LINGO2: variants seen among roughly 807,000 people sequenced by gnomAD.
The protein encoded by LINGO2 is leucine-rich repeat and immunoglobulin-like domain-containing nogo receptor-interacting protein 2.
A neutral mutation model predicts 30.6 loss-of-function variants in LINGO2; 14 were observed. The observed-to-expected ratio is 0.46, with a 90% CI of 0.30 to 0.72. The LOEUF (loss-of-function observed/expected upper bound fraction) is 0.72. Ranked by LOEUF, LINGO2 falls within the 30% of genes least tolerant of loss-of-function variation. The probability of loss-of-function intolerance (pLI) is 0.07; values close to 1 mark genes in which losing one functional copy is unlikely to be tolerated. For synonymous variants in LINGO2, 317 were observed against 288.5 expected, an observed-to-expected ratio of 1.10 and a Z score of -1.00; for missense variants, 729 against 751.7, an observed-to-expected ratio of 0.97 and a Z score of 0.35.
chr9:28,922,422 A>G, the LINGO2 span, among the ~76,000 whole-genome samples: 3 of 152,134 alleles, frequency 2.0e-5, no homozygotes, highest in Non-Finnish European at 4.4e-5. Flanking sequence ...CTTTTAGATG[A>G]TAAGTTTCAA....
At chr9:29,078,085 G>A in the LINGO2 span, among the ~76,000 whole-genome samples, 9 of 151,938 alleles carry the variant, frequency 5.9e-5, no homozygotes, top group Non-Finnish European at 1.3e-4. Flanking sequence ...ATACTTAACT[G>A]ATGATTATTA....
At chr9:29,032,047 T>A in the LINGO2 span, among the ~76,000 whole-genome samples, 43 of 152,158 alleles carry the variant, frequency 2.8e-4, no homozygotes, top group Admixed American at 1.3e-3. Flanking sequence ...GGCAATCCCA[T>A]GTTTAGTCTT....
chr9:28,562,457 C>CAA (rs56998877), intron 1 of LINGO2, among the ~76,000 whole-genome samples: 36,657 of 108,894 alleles, frequency 0.34, 6,852 homozygotes, highest in South Asian at 0.39. Context: ...CATTTACTTT[C>CAA]AAAAAAAAAA....
chr9:28,557,785 G>A (rs909442420), intron 1 of LINGO2, among the ~76,000 whole-genome samples: 5 of 151,656 alleles, frequency 3.3e-5, no homozygotes, highest in African/African-American at 1.2e-4. Flanking sequence ...AGAAAATGTG[G>A]CACATATACA....
chr9:28,790,394 TC>T, the LINGO2 span, among the ~76,000 whole-genome samples: 2 of 147,210 alleles, frequency 1.4e-5, no homozygotes, highest in Non-Finnish European at 3.0e-5. Context: ...AGTCGTGCGA[TC>T]TCGGCTCACT....
chr9:29,017,181 T>TG, the LINGO2 span, among the ~76,000 whole-genome samples: 136,455 of 152,018 alleles, frequency 0.9, 61,491 homozygotes, highest in Non-Finnish European at 0.93. Flanking sequence ...ACTATGTAAT[T>TG]AAGGAAGACT....
the LINGO2 span, among the ~76,000 whole-genome samples, chr9:29,154,630 A>G: frequency 6.6e-6 from 1 of 152,144 alleles, no homozygotes; most frequent in African/African-American, 2.4e-5. Flanking sequence ...CAAGAGCCCA[A>G]TTTACTATAT....
At chr9:28,722,429 G>A in the LINGO2 span, among the ~76,000 whole-genome samples, 4 of 152,132 alleles carry the variant, frequency 2.6e-5, no homozygotes, top group Non-Finnish European at 4.4e-5. Flanking sequence ...CCTAACAAAC[G>A]TCAAAGTTGT....
chr9:28,297,105 T>A (rs535481702), intron 3 of LINGO2, among the ~76,000 whole-genome samples: 24 of 152,190 alleles, frequency 1.6e-4, no homozygotes, highest in Admixed American at 3.9e-4. Context: ...CCAAACTGGG[T>A]TTGAAGTGAG....
the LINGO2 span, among the ~76,000 whole-genome samples, chr9:29,040,423 G>T: frequency 6.6e-6 from 1 of 151,788 alleles, no homozygotes; most frequent in Non-Finnish European, 1.5e-5. Flanking sequence ...CTTTAAAACT[G>T]AGTACAATCC....
intron 4 of LINGO2, among the ~76,000 whole-genome samples, chr9:28,156,512 C>T (rs1427768711): frequency 1.3e-5 from 2 of 152,148 alleles, no homozygotes; most frequent in African/African-American, 4.8e-5. Flanking sequence ...AGAGGTTTAA[C>T]GTTTACTGGG....
At chr9:28,215,090 A>G (rs1820718448) in intron 4 of LINGO2, among the ~76,000 whole-genome samples, 2 of 151,704 alleles carry the variant, frequency 1.3e-5, no homozygotes, top group South Asian at 4.1e-4. Context: ...AGGCAGGGAT[A>G]TCCTGAGAAT....
At chr9:28,598,382 T>C (rs1222405612) in intron 1 of LINGO2, among the ~76,000 whole-genome samples, 1 of 145,446 alleles carries the variant, frequency 6.9e-6, no homozygotes, top group East Asian at 2.0e-4. Context: ...TAAAGGAGTG[T>C]ATTCACTTTG....
At chr9:29,077,841 T>C in the LINGO2 span, among the ~76,000 whole-genome samples, 1 of 151,832 alleles carries the variant, frequency 6.6e-6, no homozygotes, top group African/African-American at 2.4e-5. Flanking sequence ...AGTTCTAACC[T>C]AGATATAAAT....
intron 2 of LINGO2, among the ~76,000 whole-genome samples, chr9:28,397,435 C>T (rs3861023): frequency 0.31 from 45,794 of 148,920 alleles, 8,257 homozygotes; most frequent in Non-Finnish European, 0.38. Flanking sequence ...CATGTATTAC[C>T]TCACATTGTT....
chr9:28,789,162 C>T, the LINGO2 span, among the ~76,000 whole-genome samples: 1 of 151,976 alleles, frequency 6.6e-6, no homozygotes, highest in African/African-American at 2.4e-5. Context: ...TAATGTTTTA[C>T]TTGTTGTTTA....
chr9:27,983,095 TCTAA>T (rs745488436), intron 5 of LINGO2, among the ~76,000 whole-genome samples: 3 of 151,802 alleles, frequency 2.0e-5, no homozygotes, highest in African/African-American at 7.2e-5. Flanking sequence ...TACGTCCTAA[TCTAA>T]CTATTAATAA....
intron 1 of LINGO2, among the ~76,000 whole-genome samples, chr9:28,622,895 G>A (rs1826475279): frequency 1.3e-5 from 2 of 151,926 alleles, no homozygotes; most frequent in South Asian, 2.1e-4. Flanking sequence ...ACTGGGGTGA[G>A]ATGATATCTC....
At chr9:28,465,064 C>T (rs1014273481) in intron 2 of LINGO2, among the ~76,000 whole-genome samples, 12 of 152,150 alleles carry the variant, frequency 7.9e-5, no homozygotes, top group Non-Finnish European at 1.8e-4. Flanking sequence ...AGGTTGCATG[C>T]GACCTCTGGA....
Sources: gnomAD v4.1 joint callset for allele counts (sites outside exome capture counted in the v4.1 genomes callset) on GRCh38, gnomAD v4.1.1 for gene constraint, MANE v1.5 for transcripts, NCBI Gene and HGNC (gene_info 2026-07-23, HGNC 2026-07-21) for gene names.